The following THOC1 variants were observed in gnomAD, a reference collection of about 807,000 sequenced individuals.
THOC1 encodes THO complex 1.
THOC1 carries 29 observed loss-of-function variants against 97.3 expected under a neutral mutation model. The ratio of observed to expected loss-of-function variants is 0.30; its 90% confidence interval spans 0.22 to 0.41. The LOEUF (loss-of-function observed/expected upper bound fraction) is 0.41. Among genes scored for constraint, THOC1 ranks in the 10% least tolerant of loss-of-function variants. The probability of loss-of-function intolerance (pLI) is 1.00; values close to 1 mark genes in which losing one functional copy is unlikely to be tolerated. For missense variants in THOC1, 529 were observed against 761.9 expected, an observed-to-expected ratio of 0.69 and a Z score of 3.60; for synonymous variants, 255 against 257.0, an observed-to-expected ratio of 0.99 and a Z score of 0.07.
chr18:257,235 A>G (rs1912464599), intron 7 of THOC1, among the ~76,000 whole-genome samples: 1 of 152,198 alleles, frequency 6.6e-6, no homozygotes, highest in Non-Finnish European at 1.5e-5. Flanking sequence ...AATAGAGTTG[A>G]TCCTTATTAT....
intron 12 of THOC1, 96 bp downstream of exon 12, chr18:226,705 A>G: frequency 1.2e-6 from 1 of 828,952 alleles, no homozygotes; most frequent in Non-Finnish European, 1.9e-6. Context: ...ATACAGCCTT[A>G]ACATGAAATG....
chr18:232,990 T>C (rs1296126762), intron 11 of THOC1, among the ~76,000 whole-genome samples: 1 of 152,236 alleles, frequency 6.6e-6, no homozygotes, highest in African/African-American at 2.4e-5. Flanking sequence ...TCTCCCAGTC[T>C]GTGCCTTGTC....
chr18:219,636 T>G (rs1911009631), intron 17 of THOC1, among the ~76,000 whole-genome samples: 1 of 152,170 alleles, frequency 6.6e-6, no homozygotes, highest in Admixed American at 6.6e-5. Flanking sequence ...ATAAAGGGGA[T>G]AGTCTAATAC....
chr18:236,208 T>G (rs1315085909), intron 11 of THOC1, among the ~76,000 whole-genome samples: 1 of 152,184 alleles, frequency 6.6e-6, no homozygotes, highest in East Asian at 1.9e-4. Context: ...GGATACAAAC[T>G]GCTCCATCTT....
chr18:216,098 C>T, intron 19 of THOC1: 4 of 165,958 alleles, frequency 2.4e-5, no homozygotes, highest in Non-Finnish European at 5.2e-5. Context: ...GGACTACAGG[C>T]ACGTGCCACC....
intron 7 of THOC1, among the ~76,000 whole-genome samples, 177 bp downstream of exon 7, chr18:259,003 C>G (rs1246750890): frequency 6.6e-6 from 1 of 152,068 alleles, no homozygotes; most frequent in Non-Finnish European, 1.5e-5. Flanking sequence ...TCAGGATTAC[C>G]TGTATTATAT....
At chr18:260,420 T>C (rs1171346818) in intron 4 of THOC1, 116 bp from the exon 5 acceptor site, 1 of 697,346 alleles carries the variant, frequency 1.4e-6, no homozygotes, top group Non-Finnish European at 2.1e-6. Flanking sequence ...CATAACAAGG[T>C]TTTAAAAGGA....
chr18:254,298 T>G lies in THOC1; in HGVS notation c.578A>C (p.Glu193Ala), dbSNP rs1267842369. 1 of 1,584,094 alleles carries G rather than the reference T, an allele frequency of 6.3e-7. No individual in the cohort carries two copies. The highest frequency in any genetic ancestry group is 8.6e-7 in the Non-Finnish European group (1 of 1,164,234). Reference sequence around the variant, plus strand: ...CTTCTGACCCAGGGTGCTTTCCTGCTCATTTGTATTGAAAACAGTGACATT... The same window carrying G: ...CTTCTGACCCAGGGTGCTTTCCTGCGCATTTGTATTGAAAACAGTGACATT... ...LENVTVFNTN[E>A]QESTLGQKHT... Residue 193 changes from glutamate (E) to alanine (A), a missense_variant, in exon 8 of 21, where the codon GAG becomes GCG. Coordinates refer to ENST00000261600, the MANE Select transcript of THOC1 (RefSeq NM_005131.3). The surrounding 1 kb of genome is among the most constrained non-coding windows in gnomAD (Gnocchi z 4.1).
At chr18:249,260 T>C (rs1438883050) in intron 9 of THOC1, among the ~76,000 whole-genome samples, 2 of 152,164 alleles carry the variant, frequency 1.3e-5, no homozygotes, top group Admixed American at 6.5e-5. Context: ...GTAACAACTC[T>C]GAAAGTAGGA....
At chr18:218,770 G>A (rs374984249) in intron 18 of THOC1, 116 bp downstream of exon 18, 13 of 778,670 alleles carry the variant, frequency 1.7e-5, no homozygotes, top group Middle Eastern at 2.8e-4. Context: ...TCACCTAAGA[G>A]AAAAAGCACT....
chr18:248,370 T>A (rs141329458), intron 9 of THOC1, among the ~76,000 whole-genome samples: 1 of 152,234 alleles, frequency 6.6e-6, no homozygotes, highest in African/African-American at 2.4e-5. Flanking sequence ...GTGAGCCACC[T>A]TGCACTACAG....
intron 4 of THOC1, chr18:260,821 G>A (rs1308099001): frequency 6.6e-6 from 1 of 152,024 alleles, no homozygotes; most frequent in African/African-American, 2.4e-5. Context: ...ATAATAACTT[G>A]GAAAAATGCT....
intron 1 of THOC1, among the ~76,000 whole-genome samples, chr18:265,895 TCCCAATTTA>T (rs1912752207): frequency 6.6e-6 from 1 of 152,180 alleles, no homozygotes; most frequent in African/African-American, 2.4e-5. Context: ...GATAATGTTA[TCCCAATTTA>T]CCCAAACTTA....
At chr18:228,336 C>T (rs182325703) in intron 11 of THOC1, among the ~76,000 whole-genome samples, 1 of 152,252 alleles carries the variant, frequency 6.6e-6, no homozygotes, top group Admixed American at 6.5e-5. Context: ...GACTTTAAGG[C>T]CCTTGACCCG....
intron 4 of THOC1, chr18:263,707 A>G (rs557015589): frequency 6.4e-4 from 143 of 223,096 alleles, no homozygotes; most frequent in African/African-American, 3.1e-3. Context: ...CCACATAAGC[A>G]GGGGAATATG....
In THOC1 at chr18:252,538, C is replaced by T. The variant is rs1256843502; in HGVS notation, c.677+1G>A. On this transcript the variant is annotated splice_donor_variant, in intron 9 of 20. Coordinates refer to ENST00000261600, the MANE Select transcript of THOC1 (RefSeq NM_005131.3). LOFTEE classifies it high-confidence loss of function. ...AAAAAGCTTAGGCTCTGAAAACTCA[C>T]CACGTTGTTGGAGCTTCCTCGTCTC... The T allele has an allele frequency of 6.2e-7, 1 of 1,610,996 alleles. No individual in the cohort carries two copies. The highest frequency in any genetic ancestry group is 8.5e-7 in the Non-Finnish European group (1 of 1,177,772).
chr18:224,030 C>G (rs1443753769), intron 16 of THOC1, 54 bp downstream of exon 16: 2 of 1,271,452 alleles, frequency 1.6e-6, no homozygotes, highest in East Asian at 5.0e-5. Context: ...AAAGTAACAT[C>G]TTCAAAATAT....
intron 10 of THOC1, among the ~76,000 whole-genome samples, chr18:247,635 G>T (rs889880501): frequency 1.3e-5 from 2 of 152,222 alleles, no homozygotes; most frequent in African/African-American, 4.8e-5. Context: ...AAGCAAGGCT[G>T]TAATGACGAA....
chr18:218,629 A>T (rs956994440), intron 18 of THOC1, among the ~76,000 whole-genome samples: 1 of 152,134 alleles, frequency 6.6e-6, no homozygotes, highest in Non-Finnish European at 1.5e-5. Context: ...TAATAGTTGG[A>T]GAGAAATGGG....
Sources: allele counts gnomAD v4.1 joint callset (sites outside exome capture counted in the v4.1 genomes callset), GRCh38; gene constraint gnomAD v4.1.1; non-coding constraint Gnocchi (gnomAD v3.1); transcripts MANE v1.5; gene names NCBI Gene and HGNC (gene_info 2026-07-23, HGNC 2026-07-21).